PXDNL: variants seen among roughly 807,000 people sequenced by gnomAD.
PXDNL encodes peroxidasin like.
Under a neutral mutation model 150.8 loss-of-function variants are expected in PXDNL, and 145 were observed. The ratio of observed to expected loss-of-function variants is 0.96; its 90% CI spans 0.84 to 1.10. PXDNL has a LOEUF of 1.10. Ranked by LOEUF, PXDNL falls within the 50% of genes least tolerant of loss-of-function variation. PXDNL has a pLI of 0.00. For synonymous variants in PXDNL, 757 were observed against 725.7 expected (o/e 1.04, Z -0.69); for missense variants, 2,087 against 1,873.9 (o/e 1.11, Z -2.10).
chr8:51,700,484 C>T (rs569256920), intron 1 of PXDNL, among the ~76,000 whole-genome samples: 4 of 151,574 alleles, frequency 2.6e-5, no homozygotes, highest in African/African-American at 4.9e-5. Flanking sequence ...TGCATACACA[C>T]ATATACATAT....
chr8:51,637,320 C>G (rs1325621727), intron 2 of PXDNL, among the ~76,000 whole-genome samples: 2 of 152,136 alleles, frequency 1.3e-5, no homozygotes, highest in Non-Finnish European at 2.9e-5. Context: ...GAACGCAGCT[C>G]CTCACCAGCA....
chr8:51,655,728 A>T (rs1815136114), intron 1 of PXDNL, among the ~76,000 whole-genome samples: 1 of 152,164 alleles, frequency 6.6e-6, no homozygotes, highest in African/African-American at 2.4e-5. Flanking sequence ...GTTTTTAAGC[A>T]TTGACATGGC....
chr8:51,341,304 C>T (rs959523762), intron 20 of PXDNL, among the ~76,000 whole-genome samples: 7 of 152,208 alleles, frequency 4.6e-5, no homozygotes, highest in Non-Finnish European at 1.0e-4. Context: ...CAAAAACACA[C>T]ATATTTAATG....
chr8:51,553,519 A>C (rs1229994724), intron 4 of PXDNL, among the ~76,000 whole-genome samples: 1 of 152,102 alleles, frequency 6.6e-6, no homozygotes, highest in African/African-American at 2.4e-5. Flanking sequence ...ATGCTTTTTA[A>C]AGATGTTCTT....
intron 2 of PXDNL, among the ~76,000 whole-genome samples, chr8:51,645,412 G>A (rs1416825866): frequency 6.6e-6 from 1 of 152,090 alleles, no homozygotes; most frequent in Non-Finnish European, 1.5e-5. Context: ...TACCATCAAC[G>A]GATGGTGTTG....
chr8:51,532,027 T>C (rs1216627787), intron 4 of PXDNL, among the ~76,000 whole-genome samples: 1 of 152,140 alleles, frequency 6.6e-6, no homozygotes, highest in Non-Finnish European at 1.5e-5. Context: ...CAAATCGTTG[T>C]GATGGCTTCT....
chr8:51,790,576 G>A (rs1220165020), intron 1 of PXDNL, among the ~76,000 whole-genome samples: 3 of 152,078 alleles, frequency 2.0e-5, no homozygotes, highest in Non-Finnish European at 4.4e-5. Context: ...TTTTCTATGA[G>A]GCACAGAGAT....
intron 4 of PXDNL, among the ~76,000 whole-genome samples, chr8:51,541,619 GGCTCTCTGTGTA>G (rs1339700630): frequency 3.9e-5 from 6 of 152,110 alleles, no homozygotes; most frequent in African/African-American, 7.2e-5. Flanking sequence ...AGGTCTCTAG[GGCTCTCTGTGTA>G]GCTCCCTGCT....
intron 4 of PXDNL, among the ~76,000 whole-genome samples, chr8:51,545,970 A>G (rs1812352732): frequency 6.6e-6 from 1 of 152,212 alleles, no homozygotes; most frequent in Non-Finnish European, 1.5e-5. Context: ...TAAATCAGAC[A>G]TGGGTGGGTA....
In PXDNL at chr8:51,483,628, C is replaced by T; in HGVS notation, c.524+15G>A. ...TATAAAAGGTTTTTGTGTTAATGCA[C>T]TTGCTTTCACTTACAATCTTTTTAA... On this transcript the variant is annotated intron_variant, in intron 6 of 22. Coordinates refer to ENST00000356297, the MANE Select transcript of PXDNL (RefSeq NM_144651.5). 1.4e-6 allele frequency: 2 copies of T among 1,471,012 alleles called. No homozygotes were observed. The highest frequency in any genetic ancestry group is 1.9e-6 in the Non-Finnish European group (2 of 1,078,928). 91.1% of individuals were successfully genotyped at this position (1,471,012 alleles called of 1,614,324 possible).
chr8:51,774,129 C>T (rs1269821202), intron 1 of PXDNL, among the ~76,000 whole-genome samples: 1 of 152,160 alleles, frequency 6.6e-6, no homozygotes, highest in Non-Finnish European at 1.5e-5. Context: ...GCAATTTTAA[C>T]TGTTTAATGG....
intron 3 of PXDNL, among the ~76,000 whole-genome samples, chr8:51,575,364 A>G (rs1033880609): frequency 2.6e-5 from 4 of 152,060 alleles, no homozygotes; most frequent in African/African-American, 9.7e-5. Context: ...TAAACAGAAA[A>G]AAAATTAAAA....
chr8:51,525,776 C>T (rs1275205412), intron 4 of PXDNL, among the ~76,000 whole-genome samples: 1 of 152,120 alleles, frequency 6.6e-6, no homozygotes, highest in African/African-American at 2.4e-5. Context: ...TCAGCGGTCG[C>T]GATGATGGCA....
At chr8:51,466,261 T>A (rs1193491871) in intron 8 of PXDNL, among the ~76,000 whole-genome samples, 1 of 152,170 alleles carries the variant, frequency 6.6e-6, no homozygotes. Context: ...TACATCCATC[T>A]GATCTTCAAC....
chr8:51,444,147 C>CT (rs984273225), intron 12 of PXDNL, among the ~76,000 whole-genome samples: 12 of 152,110 alleles, frequency 7.9e-5, no homozygotes, highest in Non-Finnish European at 1.5e-4. Context: ...AATTACTTTT[C>CT]TTTTTTACTT....
intron 4 of PXDNL, among the ~76,000 whole-genome samples, chr8:51,549,962 A>G (rs146479079): frequency 3.5e-3 from 526 of 152,306 alleles, no homozygotes; most frequent in African/African-American, 0.012. Flanking sequence ...AGAAGGGAGA[A>G]GATCCAAATA....
chr8:51,740,272 A>C (rs77984194), intron 1 of PXDNL, among the ~76,000 whole-genome samples: 1,538 of 152,322 alleles, frequency 0.01, 23 homozygotes, highest in African/African-American at 0.035. Flanking sequence ...TGCTAGTGTG[A>C]ATAGTGCTGC....
intron 2 of PXDNL, among the ~76,000 whole-genome samples, chr8:51,654,005 T>C (rs1257904339): frequency 6.6e-6 from 1 of 152,220 alleles, no homozygotes; most frequent in Non-Finnish European, 1.5e-5. Flanking sequence ...ATTACAGACA[T>C]ATTACAGTTG....
At chr8:51,577,593 C>CATATATATATATAT (rs35173075) in intron 3 of PXDNL, among the ~76,000 whole-genome samples, 4 of 142,202 alleles carry the variant, frequency 2.8e-5, no homozygotes, top group South Asian at 2.2e-4. Context: ...TATCTATCTA[C>CATATATATATATAT]ATATATATAT....
Sources: gnomAD v4.1 joint callset for allele counts (sites outside exome capture counted in the v4.1 genomes callset) on GRCh38, gnomAD v4.1.1 for gene constraint, MANE v1.5 for transcripts, NCBI Gene and HGNC (gene_info 2026-07-23, HGNC 2026-07-21) for gene names.